The following ERBB4 variants were observed in gnomAD, a reference collection of about 807,000 sequenced individuals.
ERBB4 encodes receptor tyrosine-protein kinase erbB-4.
ERBB4 carries 42 observed loss-of-function variants against 158.0 expected under a neutral mutation model. The ratio of observed to expected loss-of-function variants is 0.27; its 90% CI spans 0.21 to 0.34. The LOEUF (loss-of-function observed/expected upper bound fraction) is 0.34. Among genes scored for constraint, ERBB4 ranks in the 10% least tolerant of loss-of-function variants. The pLI is 1.00. For missense variants in ERBB4, 1,333 were observed against 1,624.1 expected, an observed-to-expected ratio of 0.82 and a Z score of 3.08; for synonymous variants, 583 against 558.7, an observed-to-expected ratio of 1.04 and a Z score of -0.61.
At chr2:211,711,652 T>C (rs889907737) in intron 9 of ERBB4, among the ~76,000 whole-genome samples, 1 of 152,144 alleles carries the variant, frequency 6.6e-6, no homozygotes, top group Admixed American at 6.6e-5. Context: ...ATGTGAGACT[T>C]TTTAAAGGAT....
In ERBB4 at chr2:211,828,244, T is replaced by A. The variant is rs546161027; in HGVS notation, c.422-40085A>T. ...CAATATCATATTCATGGCAGAATAT[T>A]CCTTTAGAATTTTCAAAACACATTT... On this transcript the variant is annotated intron_variant, in intron 3 of 27. Coordinates refer to ENST00000342788, the MANE Select transcript of ERBB4 (RefSeq NM_005235.3). Among the ~76,000 whole-genome samples the A allele has an allele frequency of 5.3e-5, 8 of 152,296 alleles. No individual in the cohort carries two copies. The East Asian group carries it at 1.5e-3, about 29-fold the overall frequency.
At chr2:212,144,878 A>T (rs951344071) in intron 1 of ERBB4, among the ~76,000 whole-genome samples, 2 of 152,322 alleles carry the variant, frequency 1.3e-5, no homozygotes, top group East Asian at 1.9e-4. Context: ...TTTTTAAAAG[A>T]TGTTAGACTG....
intron 2 of ERBB4, among the ~76,000 whole-genome samples, chr2:212,086,308 G>A (rs747689909): frequency 2.0e-5 from 3 of 149,990 alleles, no homozygotes; most frequent in Non-Finnish European, 3.0e-5. Flanking sequence ...TATTCAGATG[G>A]TCTTTATATT....
At chr2:212,056,457 G>C (rs1288075893) in intron 2 of ERBB4, among the ~76,000 whole-genome samples, 1 of 152,006 alleles carries the variant, frequency 6.6e-6, no homozygotes, top group Non-Finnish European at 1.5e-5. Flanking sequence ...GAGAAGAGCA[G>C]CTCCAAGACA....
chr2:212,154,856 A>G (rs2080985672), intron 1 of ERBB4, among the ~76,000 whole-genome samples: 1 of 152,192 alleles, frequency 6.6e-6, no homozygotes, highest in South Asian at 2.1e-4. Context: ...AACCTGTTCA[A>G]TATGCATTAA....
intron 1 of ERBB4, among the ~76,000 whole-genome samples, chr2:212,524,651 T>C (rs1692348786): frequency 6.6e-6 from 1 of 151,824 alleles, no homozygotes. Flanking sequence ...ATTCAATATG[T>C]GGGCAGTGGC....
intron 1 of ERBB4, among the ~76,000 whole-genome samples, chr2:212,286,283 C>T (rs2085958806): frequency 6.6e-6 from 1 of 152,020 alleles, no homozygotes; most frequent in Non-Finnish European, 1.5e-5. Flanking sequence ...TAAAACAGTA[C>T]AAATATTTTA....
rs192020818 is a variant in ERBB4 at position 212,066,716 on chromosome 2, C to A, written c.234+58036G>T. Among the ~76,000 whole-genome samples the A allele has an allele frequency of 3.7e-4, 57 of 152,060 alleles. No individual in the cohort carries two copies. In the East Asian group the frequency reaches 7.7e-3, roughly 21 times the overall value. The stretch of plus-strand genomic sequence containing the variant: ...ATCCTTAGCCATGGCCATTGGAATT[C>A]TTGATGTCCACAGGTAATTGCTTTA... On this transcript the variant is annotated intron_variant, in intron 2 of 27. Coordinates refer to ENST00000342788, the MANE Select transcript of ERBB4 (RefSeq NM_005235.3).
At chr2:211,464,336 T>C (rs2064618189) in intron 20 of ERBB4, among the ~76,000 whole-genome samples, 4 of 152,216 alleles carry the variant, frequency 2.6e-5, no homozygotes, top group Admixed American at 2.6e-4. Context: ...CGTAGAGTTA[T>C]GCAATACTGT....
At chr2:212,529,169 A>G (rs1276525426) in intron 1 of ERBB4, among the ~76,000 whole-genome samples, 1 of 152,172 alleles carries the variant, frequency 6.6e-6, no homozygotes, top group Admixed American at 6.6e-5. Context: ...AGTTCCTAAC[A>G]TGGTCCTGAA....
rs936884590 is a variant in ERBB4 at position 211,892,622 on chromosome 2, C to T, written c.421+54808G>A. Among the ~76,000 whole-genome samples, 66 of 145,550 alleles carry T rather than the reference C, an allele frequency of 4.5e-4. 8 individuals are homozygous for T. Among genetic ancestry groups the T allele is most frequent in the Non-Finnish European group, 2.1e-4 (14 of 66,608 alleles). The stretch of plus-strand genomic sequence containing the variant: ...TTAGGAAAAGAGGAAGTCAAATTGT[C>T]CCTGTTTGCAGATGACGTGATTGTA... On this transcript the variant is annotated intron_variant, in intron 3 of 27. Coordinates refer to ENST00000342788, the MANE Select transcript of ERBB4 (RefSeq NM_005235.3).
At chr2:212,355,451 A>C (rs1355031064) in intron 1 of ERBB4, among the ~76,000 whole-genome samples, 1 of 152,070 alleles carries the variant, frequency 6.6e-6, no homozygotes, top group African/African-American at 2.4e-5. Context: ...TGAAGTCTTT[A>C]AATAGTCATT....
intron 1 of ERBB4, among the ~76,000 whole-genome samples, chr2:212,498,074 C>A (rs190976270): frequency 1.8e-4 from 26 of 144,416 alleles, no homozygotes; most frequent in Non-Finnish European, 4.0e-4. Flanking sequence ...TTTCATCCTA[C>A]AGGGAAACAA....
At chr2:212,138,555 T>A (rs73987249) in intron 1 of ERBB4, among the ~76,000 whole-genome samples, 4,314 of 152,214 alleles carry the variant, frequency 0.028, 143 homozygotes, top group African/African-American at 0.078. Flanking sequence ...CAGCTCCCCA[T>A]TCTTGAACTT....
At chr2:212,240,651 A>G (rs2084059252) in intron 1 of ERBB4, among the ~76,000 whole-genome samples, 1 of 145,086 alleles carries the variant, frequency 6.9e-6, no homozygotes, top group Admixed American at 6.7e-5. Context: ...AAAAAAAAAA[A>G]AAAAAAAAAA....
At position 212,027,046 on chromosome 2, in the gene ERBB4, C is replaced by T. The variant is rs1370667717; in HGVS notation, c.235-79430G>A. Reference sequence around the variant, plus strand: ...ATTTGCAAATTGCTCCATCATACATCAACATCTCATTCAAGTCACATCAAG... The same window carrying T: ...ATTTGCAAATTGCTCCATCATACATTAACATCTCATTCAAGTCACATCAAG... On this transcript the variant is annotated intron_variant, in intron 2 of 27. Transcript: ENST00000342788. Among the ~76,000 whole-genome samples, 7 of 151,922 alleles carry T rather than the reference C, an allele frequency of 4.6e-5. No homozygotes were observed. The East Asian group carries it at 1.4e-3, about 29-fold the overall frequency.
At position 211,407,627 on chromosome 2, in the gene ERBB4, C is replaced by T. The variant is rs569723566; in HGVS notation, c.3135+12814G>A. Among the ~76,000 whole-genome samples the T allele has an allele frequency of 8.5e-5, 13 of 152,278 alleles. No individual in the cohort carries two copies. In the South Asian group the frequency reaches 2.3e-3, roughly 27 times the overall value. ...GTCATAGTATTTGGAATTTTTCCCA[C>T]GGTGGTCTACCCATCTCTCAATTCA... On this transcript the variant is annotated intron_variant, in intron 25 of 27. Transcript: ENST00000342788.
chr2:211,929,234 A>AGTGTGT (rs10542155), intron 3 of ERBB4, among the ~76,000 whole-genome samples: 14 of 148,360 alleles, frequency 9.4e-5, no homozygotes, highest in South Asian at 2.1e-4. Context: ...CTTTGGAATA[A>AGTGTGT]GTGTGTGTGT....
chr2:211,807,702 C>A (rs1338357215), intron 3 of ERBB4, among the ~76,000 whole-genome samples: 1 of 152,130 alleles, frequency 6.6e-6, no homozygotes, highest in Non-Finnish European at 1.5e-5. Flanking sequence ...ATTTCTAGAT[C>A]CTTGAGGAAC....
Sources: gnomAD v4.1 joint callset for allele counts (sites outside exome capture counted in the v4.1 genomes callset) on GRCh38, gnomAD v4.1.1 for gene constraint, MANE v1.5 for transcripts, NCBI Gene and HGNC (gene_info 2026-07-23, HGNC 2026-07-21) for gene names.